The following AJAP1 variants were observed in gnomAD, a reference collection of about 807,000 sequenced individuals.
The protein encoded by AJAP1 is adherens junctions associated protein 1, also known as adherens junction-associated protein 1.
In AJAP1, 5 loss-of-function variants were observed where a neutral mutation model predicts 35.0. The ratio of observed to expected loss-of-function variants is 0.14; its 90% CI spans 0.07 to 0.30. AJAP1 has a LOEUF of 0.30. Among genes scored for constraint, AJAP1 ranks in the 10% least tolerant of loss-of-function variants. AJAP1 has a pLI of 1.00. For synonymous variants in AJAP1, 284 were observed against 249.3 expected, an observed-to-expected ratio of 1.14 and a Z score of -1.31; for missense variants, 586 against 571.0, an observed-to-expected ratio of 1.03 and a Z score of -0.27.
intron 1 of AJAP1, among the ~76,000 whole-genome samples, chr1:4,702,047 G>C (rs554611046): frequency 1.3e-5 from 2 of 151,924 alleles, no homozygotes; most frequent in African/African-American, 4.9e-5. Flanking sequence ...TCAGTGTTCT[G>C]ACATGTCCTC....
At chr1:4,697,511 A>G (rs1455772749) in intron 1 of AJAP1, among the ~76,000 whole-genome samples, 1 of 152,122 alleles carries the variant, frequency 6.6e-6, no homozygotes, top group Non-Finnish European at 1.5e-5. Context: ...CCTCAGGACA[A>G]CTCTTCCCAG....
chr1:4,690,014 G>T (rs902068970), intron 1 of AJAP1, among the ~76,000 whole-genome samples: 1 of 151,592 alleles, frequency 6.6e-6, no homozygotes, highest in Non-Finnish European at 1.5e-5. Flanking sequence ...CCCCAGCCCC[G>T]CTCCCTCCTG....
intron 2 of AJAP1, among the ~76,000 whole-genome samples, chr1:4,742,458 C>G (rs1641091222): frequency 6.6e-6 from 1 of 152,082 alleles, no homozygotes; most frequent in African/African-American, 2.4e-5. Context: ...GGAAACTGTT[C>G]CCAATTGGAA....
chr1:4,728,804 C>T (rs1490124650), intron 2 of AJAP1, among the ~76,000 whole-genome samples: 1 of 152,210 alleles, frequency 6.6e-6, no homozygotes, highest in Non-Finnish European at 1.5e-5. Context: ...CAGGTTTTCC[C>T]TCCACCCTGG....
At chr1:4,675,575 A>C (rs1639344912) in intron 1 of AJAP1, among the ~76,000 whole-genome samples, 1 of 152,208 alleles carries the variant, frequency 6.6e-6, no homozygotes, top group African/African-American at 2.4e-5. Context: ...AATGGAGCAG[A>C]TACCATCTGA....
chr1:4,747,255 C>T (rs1641208960), intron 2 of AJAP1, among the ~76,000 whole-genome samples: 1 of 152,158 alleles, frequency 6.6e-6, no homozygotes, highest in Non-Finnish European at 1.5e-5. Flanking sequence ...TGCACTCTGG[C>T]CCTCTCCACT....
rs887751108 is a variant in AJAP1 at position 4,790,686 on chromosome 1, A to T, written c.*8201A>T. ...AAAGTTAGTTATCAGTCAACTGATG[A>T]TAACTGTGATCCTTAAAGATGAATT... On this transcript the variant is annotated 3_prime_UTR_variant, in exon 6 of 6. Transcript: ENST00000378191. 1 of 152,264 alleles carries T rather than the reference A, an allele frequency of 6.6e-6. No homozygotes were observed. Among genetic ancestry groups the T allele is most frequent in the Non-Finnish European group, 1.5e-5 (1 of 68,056 alleles). The allele number at this position is 152,264 out of a possible 1,614,324, so 9.4% of individuals were successfully genotyped here.
chr1:4,731,084 G>A (rs1640787157), intron 2 of AJAP1, among the ~76,000 whole-genome samples: 1 of 152,076 alleles, frequency 6.6e-6, no homozygotes, highest in South Asian at 2.1e-4. Flanking sequence ...TGTTTGTTGT[G>A]TTTTGTTCTG....
intron 2 of AJAP1, among the ~76,000 whole-genome samples, chr1:4,721,941 C>G (rs1466283625): frequency 6.6e-6 from 1 of 152,162 alleles, no homozygotes; most frequent in Non-Finnish European, 1.5e-5. Flanking sequence ...CGCCCCAGCC[C>G]ATCTTCACTG....
intron 1 of AJAP1, among the ~76,000 whole-genome samples, chr1:4,660,331 G>A (rs1638974466): frequency 6.6e-6 from 1 of 152,194 alleles, no homozygotes; most frequent in Non-Finnish European, 1.5e-5. Flanking sequence ...AGTGGGGAAC[G>A]GAAGGAAAGA....
chr1:4,659,756 G>A (rs1016185156), intron 1 of AJAP1, among the ~76,000 whole-genome samples: 23 of 152,204 alleles, frequency 1.5e-4, no homozygotes, highest in African/African-American at 5.1e-4. Flanking sequence ...CTCTGGAGGT[G>A]GGACTCAGAC....
intron 5 of AJAP1, among the ~76,000 whole-genome samples, chr1:4,779,534 C>T (rs576734599): frequency 1.8e-4 from 27 of 152,106 alleles, no homozygotes; most frequent in Admixed American, 8.5e-4. Context: ...GCTGCTCCTC[C>T]GGCCTTTATT....
At chr1:4,689,117 C>G (rs934477314) in intron 1 of AJAP1, among the ~76,000 whole-genome samples, 2 of 152,044 alleles carry the variant, frequency 1.3e-5, no homozygotes, top group African/African-American at 4.8e-5. Flanking sequence ...GTCTTCAGTT[C>G]CTGAGGTCAT....
rs1484920913 is a variant in AJAP1, at chr1:4,788,373, G to C, written c.*5888G>C. 6.6e-6 allele frequency: 1 copy of C among 152,320 alleles called. No homozygotes were observed. The highest frequency in any genetic ancestry group is 6.5e-5 in the Admixed American group (1 of 15,280). 9.4% of individuals were successfully genotyped at this position (152,320 alleles called of 1,614,324 possible). ...AACTGCTATCTTTTAAACCACCCCAGCCCTCAGTCGAACAGAAAGAATGAG... is the reference window on the plus strand; with the variant it reads ...AACTGCTATCTTTTAAACCACCCCACCCCTCAGTCGAACAGAAAGAATGAG... On this transcript the variant is annotated 3_prime_UTR_variant, in exon 6 of 6. Coordinates refer to ENST00000378191, the MANE Select transcript of AJAP1 (RefSeq NM_018836.4).
At chr1:4,774,583 C>T (rs1641906086) in intron 5 of AJAP1, 25 bp downstream of exon 5, 1 of 1,395,914 alleles carries the variant, frequency 7.2e-7, no homozygotes, top group Non-Finnish European at 1.0e-6. Flanking sequence ...TTGGACATTC[C>T]TGTTTTCGTT....
Position 4,655,588 on chromosome 1 carries a change from T to G in AJAP1, c.29+134T>G, listed in dbSNP as rs180746966. 10,786 of 1,154,906 alleles carry G rather than the reference T, an allele frequency of 9.3e-3. 394 individuals carry two copies. The highest frequency in any genetic ancestry group is 0.066 in the South Asian group (3,768 of 56,960). 71.5% of individuals were successfully genotyped at this position (1,154,906 alleles called of 1,614,324 possible). A position where few individuals can be genotyped will look rare whatever the true frequency, so the allele number is the denominator to read the frequency against. On this transcript the variant is annotated intron_variant, in intron 1 of 5. Coordinates refer to ENST00000378191, the MANE Select transcript of AJAP1 (RefSeq NM_018836.4). This position sits in a 1 kb window ranked among gnomAD's most constrained non-coding sequence, Gnocchi z 6.9. ...GCAAGCGGGCAACGGGGTGCACCGG[T>G]AGCCGGAAAGGGGCGCCCGCCCGGA...
intron 2 of AJAP1, among the ~76,000 whole-genome samples, chr1:4,769,288 C>T (rs780224918): frequency 6.6e-5 from 10 of 152,150 alleles, no homozygotes; most frequent in Non-Finnish European, 1.2e-4. Flanking sequence ...GATTTCACCC[C>T]GTGATCTGGG....
intron 2 of AJAP1, among the ~76,000 whole-genome samples, chr1:4,751,737 A>G (rs1641324852): frequency 6.6e-6 from 1 of 152,252 alleles, no homozygotes; most frequent in African/African-American, 2.4e-5. Context: ...TTTGTCCAGG[A>G]ATACAGAGTG....
chr1:4,724,768 G>A (rs1213439716), intron 2 of AJAP1, among the ~76,000 whole-genome samples: 1 of 151,414 alleles, frequency 6.6e-6, no homozygotes, highest in Admixed American at 6.6e-5. Context: ...CAACTTCTGG[G>A]CTTAGAGACA....
Sources: gnomAD v4.1 joint callset for allele counts (sites outside exome capture counted in the v4.1 genomes callset) on GRCh38, gnomAD v4.1.1 for gene constraint, Gnocchi (gnomAD v3.1) non-coding constraint, MANE v1.5 for transcripts, NCBI Gene and HGNC (gene_info 2026-07-23, HGNC 2026-07-21) for gene names.